Variants in PCNT observed in about 807,000 individuals in gnomAD.
The protein encoded by PCNT is kendrin.
In PCNT, 319 loss-of-function variants were observed where a neutral mutation model predicts 380.4. The observed-to-expected ratio is 0.84, with a 90% confidence interval of 0.77 to 0.92. The LOEUF is 0.92. Ranked by LOEUF, PCNT falls within the 40% of genes least tolerant of loss-of-function variation. The probability of loss-of-function intolerance (pLI) is 0.00; values close to 1 mark genes in which losing one functional copy is unlikely to be tolerated. For missense variants in PCNT, 4,400 were observed against 4,255.3 expected (o/e 1.03, Z -0.95); for synonymous variants, 1,845 against 1,735.2 (o/e 1.06, Z -1.57).
intron 32 of PCNT, among the ~76,000 whole-genome samples, chr21:46,423,474 G>A (rs918352697): frequency 1.6e-4 from 25 of 151,792 alleles, no homozygotes; most frequent in Non-Finnish European, 4.4e-5. Flanking sequence ...TACAGTGTGA[G>A]CCACAGCGCC....
chr21:46,358,187 C>T (rs1422501319), intron 13 of PCNT, among the ~76,000 whole-genome samples: 1 of 152,248 alleles, frequency 6.6e-6, no homozygotes, highest in East Asian at 1.9e-4. Flanking sequence ...CGGGGCAGCT[C>T]AGGGTCCATC....
chr21:46,353,507 G>T (rs1369901643), intron 10 of PCNT, among the ~76,000 whole-genome samples, 181 bp downstream of exon 10: 1 of 152,208 alleles, frequency 6.6e-6, no homozygotes, highest in East Asian at 1.9e-4. Flanking sequence ...TGGCCTGCAT[G>T]TGTGTGTGCG....
intron 16 of PCNT, among the ~76,000 whole-genome samples, chr21:46,384,368 T>G (rs2085740568): frequency 6.8e-6 from 1 of 147,112 alleles, no homozygotes. Context: ...TGTTGTATAT[T>G]CAGTGACGGA....
chr21:46,395,413 T>C (rs1375735595), intron 21 of PCNT, among the ~76,000 whole-genome samples: 1 of 151,544 alleles, frequency 6.6e-6, no homozygotes, highest in African/African-American at 2.4e-5. Flanking sequence ...CAGCAGAGAC[T>C]CCATCTCAGA....
At chr21:46,409,413 G>T (rs527475230) in intron 27 of PCNT, among the ~76,000 whole-genome samples, 4 of 151,770 alleles carry the variant, frequency 2.6e-5, no homozygotes, top group Non-Finnish European at 4.4e-5. Flanking sequence ...GGTCTCGAAC[G>T]CCTAACTCAG....
chr21:46,386,574 G>A (rs2085845675), intron 17 of PCNT, among the ~76,000 whole-genome samples: 1 of 152,246 alleles, frequency 6.6e-6, no homozygotes, highest in South Asian at 2.1e-4. Context: ...ACGGGCCGTG[G>A]GGCCGCCTTC....
At chr21:46,403,408 C>T (rs1401762226) in intron 27 of PCNT, among the ~76,000 whole-genome samples, 11 of 136,492 alleles carry the variant, frequency 8.1e-5, no homozygotes, top group Non-Finnish European at 1.5e-4. Flanking sequence ...CCACGCGGCG[C>T]GTGATTGGTG....
Position 46,388,953 on chromosome 21 carries a change from G to T in PCNT, c.3607+69G>T. 2 of 1,535,960 alleles carry T rather than the reference G, an allele frequency of 1.3e-6. No homozygotes were observed. The highest frequency in any genetic ancestry group is 4.8e-5 in the East Asian group (2 of 41,318). On this transcript the variant is annotated intron_variant, in intron 18 of 46. Coordinates refer to ENST00000359568, the MANE Select transcript of PCNT (RefSeq NM_006031.6). This position sits in a 1 kb window ranked among gnomAD's most constrained non-coding sequence, Gnocchi z 4.2. ...CCTCTGTGGTCCTGGAGCTCTCTGAGAGGAGCCTCCGTATTGGGCGATGCC... is the reference window on the plus strand; with the variant it reads ...CCTCTGTGGTCCTGGAGCTCTCTGATAGGAGCCTCCGTATTGGGCGATGCC...
chr21:46,354,225 C>T (rs1212808435), intron 11 of PCNT, among the ~76,000 whole-genome samples, 157 bp downstream of exon 11: 7 of 152,174 alleles, frequency 4.6e-5, no homozygotes, highest in African/African-American at 1.4e-4. Flanking sequence ...TGCTGCTCCG[C>T]GGTGGGCCTC....
intron 16 of PCNT, among the ~76,000 whole-genome samples, chr21:46,382,758 C>T (rs117821661): frequency 0.045 from 6,296 of 140,782 alleles, 743 homozygotes; most frequent in Non-Finnish European, 0.067. Context: ...GTGGCGGAAG[C>T]GCATTCACCG....
rs143939471 is a variant in PCNT, at chr21:46,440,807, A to G, written c.9394-48A>G. ...GTGTTAATGTGCTTTTGTCAGCAAG[A>G]CAGTCTTTGTTTCCTATGATAAAAT... On this transcript the variant is annotated intron_variant, in intron 42 of 46. Coordinates refer to ENST00000359568, the MANE Select transcript of PCNT (RefSeq NM_006031.6). 7.1e-6 allele frequency: 8 copies of G among 1,129,970 alleles called. No individual in the cohort carries two copies. The African/African-American group carries it at 9.1e-5, about 13-fold the overall frequency. The allele number at this position is 1,129,970 out of a possible 1,614,324, so 70.0% of individuals were successfully genotyped here.
chr21:46,425,793 G>A lies in PCNT; in HGVS notation c.7180-38G>A. 6.2e-7 allele frequency: 1 copy of A among 1,610,876 alleles called. No individual in the cohort carries two copies. Among genetic ancestry groups the A allele is most frequent in the African/African-American group, 1.3e-5 (1 of 74,802 alleles). The stretch of plus-strand genomic sequence containing the variant: ...GGTGTAGAGCGTGGCTGTGTGGGGT[G>A]GCAGGCAACTCCCTTCTGACGCGCT... On this transcript the variant is annotated intron_variant, in intron 32 of 46. Transcript: ENST00000359568. This position sits in a 1 kb window ranked among gnomAD's most constrained non-coding sequence, Gnocchi z 4.2.
At chr21:46,412,804 C>A in intron 28 of PCNT, 33 bp from the exon 29 acceptor site, 1 of 1,606,502 alleles carries the variant, frequency 6.2e-7, no homozygotes, top group South Asian at 1.1e-5. Flanking sequence ...CAGCCTCCTG[C>A]ATGCTCAGCT....
At position 46,334,530 on chromosome 21, in the gene PCNT, C is replaced by T; in HGVS notation, c.401C>T (p.Thr134Ile). 1 of 1,601,692 alleles carries T rather than the reference C, an allele frequency of 6.2e-7. No individual in the cohort carries two copies. Among genetic ancestry groups the T allele is most frequent in the Non-Finnish European group, 8.5e-7 (1 of 1,171,458 alleles). Residue 134 changes from threonine to isoleucine, a missense_variant, in exon 3 of 47, where the codon ACA (threonine) becomes ATA (isoleucine). Thr to Ile is a moderately conservative substitution (Grantham distance 89, BLOSUM62 -1). Transcript: ENST00000359568. ...CCACCAGAACAGCATGGGATGTTCA[C>T]AGTCGGTGACCACCCACCAGAACAG... is the stretch of plus-strand genomic sequence containing the variant. ...DHPPEQHGMF[T>I]VGDHPPEQRG...
chr21:46,384,600 G>T (rs1478828487), intron 16 of PCNT, among the ~76,000 whole-genome samples: 1 of 141,230 alleles, frequency 7.1e-6, no homozygotes, highest in Non-Finnish European at 1.6e-5. Flanking sequence ...TCACAGTGCT[G>T]TACATTCAGT....
chr21:46,424,422 G>A, intron 32 of PCNT, among the ~76,000 whole-genome samples: 1 of 152,170 alleles, frequency 6.6e-6, no homozygotes, highest in East Asian at 1.9e-4. Flanking sequence ...GACCCCCCAG[G>A]CTGCCTCACA....
intron 12 of PCNT, among the ~76,000 whole-genome samples, chr21:46,356,184 C>T (rs2084468020): frequency 6.6e-6 from 1 of 152,180 alleles, no homozygotes; most frequent in Non-Finnish European, 1.5e-5. Context: ...TGGCCACTGG[C>T]GTGGACTGTG....
Position 46,437,019 on chromosome 21 carries a change from A to G in PCNT, c.9037A>G (p.Met3013Val). Reference protein sequence around the residue: ...DWTSSNEKAVMSLLHTLEELK... With the variant: ...DWTSSNEKAVVSLLHTLEELK... ...GACGTCATCCAATGAGAAAGCAGTG[A>G]TGTCTTTACTGCACACGTTGGAGGA... The change falls in exon 40 of 47, where the codon ATG becomes GTG. Residue 3013 changes from methionine (M) to valine (V), a missense_variant. Transcript: ENST00000359568. The G allele has an allele frequency of 1.2e-6, 2 of 1,614,168 alleles. No individual in the cohort carries two copies. The highest frequency in any genetic ancestry group is 1.7e-6 in the Non-Finnish European group (2 of 1,179,972).
chr21:46,401,913 C>T lies in PCNT; in HGVS notation c.4962+192C>T, dbSNP rs2086442106. On this transcript the variant is annotated intron_variant, in intron 26 of 46. Transcript: ENST00000359568. Reference sequence around the variant, plus strand: ...TTGCCCAGGCTGGAGTGCAATGGTGCAGTCTCGGCTCACTGCAACCTCCGC... The same window carrying T: ...TTGCCCAGGCTGGAGTGCAATGGTGTAGTCTCGGCTCACTGCAACCTCCGC... 2.0e-5 allele frequency among the ~76,000 whole-genome samples: 3 copies of T among 152,156 alleles called. No homozygotes were observed. The South Asian group carries it at 6.2e-4, about 32-fold the overall frequency.
Sources: allele counts gnomAD v4.1 joint callset (sites outside exome capture counted in the v4.1 genomes callset), GRCh38; gene constraint gnomAD v4.1.1; non-coding constraint Gnocchi (gnomAD v3.1); transcripts MANE v1.5; gene names NCBI Gene and HGNC (gene_info 2026-07-23, HGNC 2026-07-21).